Variants in GPC5 observed in about 807,000 individuals in gnomAD.
GPC5 encodes glypican-5.
A neutral mutation model predicts 53.9 loss-of-function variants in GPC5; 47 were observed. That is an observed-to-expected ratio of 0.87 (90% CI 0.69 to 1.11). The LOEUF (loss-of-function observed/expected upper bound fraction) is 1.11. Among genes scored for constraint, GPC5 ranks in the 50% most tolerant of loss-of-function variants. GPC5 has a pLI of 0.00. For missense variants in GPC5, 748 were observed against 713.1 expected, an observed-to-expected ratio of 1.05 and a Z score of -0.56; for synonymous variants, 286 against 263.3, an observed-to-expected ratio of 1.09 and a Z score of -0.84.
intron 7 of GPC5, among the ~76,000 whole-genome samples, chr13:92,850,550 T>C (rs992592958): frequency 6.6e-6 from 1 of 151,926 alleles, no homozygotes; most frequent in Non-Finnish European, 1.5e-5. Flanking sequence ...AGTAAGCCGA[T>C]GTTGTGCCAC....
At chr13:92,283,256 C>T (rs1046300748) in intron 7 of GPC5, among the ~76,000 whole-genome samples, 1 of 152,138 alleles carries the variant, frequency 6.6e-6, no homozygotes, top group Non-Finnish European at 1.5e-5. Context: ...TCCTTAGAGA[C>T]CTACAAAGAG....
intron 6 of GPC5, among the ~76,000 whole-genome samples, chr13:92,141,011 G>C (rs2041826663): frequency 6.6e-6 from 1 of 152,186 alleles, no homozygotes; most frequent in Admixed American, 6.5e-5. Context: ...ACACTTCCAT[G>C]TGGATGTTGG....
intron 7 of GPC5, among the ~76,000 whole-genome samples, chr13:92,214,379 G>A (rs1474707633): frequency 1.3e-5 from 2 of 152,074 alleles, no homozygotes; most frequent in Non-Finnish European, 2.9e-5. Flanking sequence ...AAACATTATT[G>A]AAGTGTCCAC....
chr13:92,461,481 T>C (rs985753354), intron 7 of GPC5, among the ~76,000 whole-genome samples: 21 of 152,082 alleles, frequency 1.4e-4, no homozygotes, highest in African/African-American at 4.8e-4. Context: ...AAAAGAGACA[T>C]AGAAATATCC....
intron 2 of GPC5, among the ~76,000 whole-genome samples, chr13:91,584,760 A>G (rs1319399363): frequency 6.6e-6 from 1 of 152,022 alleles, no homozygotes; most frequent in African/African-American, 2.4e-5. Context: ...TTATATTTTT[A>G]GTAGAGACAG....
At chr13:92,105,954 G>A (rs2041506143) in intron 6 of GPC5, among the ~76,000 whole-genome samples, 1 of 151,924 alleles carries the variant, frequency 6.6e-6, no homozygotes, top group African/African-American at 2.4e-5. Context: ...CATATAAATG[G>A]AAGAATACAG....
intron 7 of GPC5, among the ~76,000 whole-genome samples, chr13:92,574,113 A>G (rs1883118605): frequency 6.6e-6 from 1 of 152,104 alleles, no homozygotes; most frequent in Non-Finnish European, 1.5e-5. Flanking sequence ...TGTTACTCTC[A>G]TTGCTTAATA....
chr13:92,649,834 C>T (rs1234338938), intron 7 of GPC5, among the ~76,000 whole-genome samples: 1 of 152,150 alleles, frequency 6.6e-6, no homozygotes, highest in Admixed American at 6.6e-5. Flanking sequence ...TTTCCTTAAC[C>T]TTTGAAACTC....
At chr13:92,659,532 T>G (rs1566348214) in intron 7 of GPC5, among the ~76,000 whole-genome samples, 1 of 152,112 alleles carries the variant, frequency 6.6e-6, no homozygotes, top group Admixed American at 6.5e-5. Context: ...ATCCTGCTGC[T>G]TACTAGATGT....
At chr13:92,583,426 C>G (rs1002989468) in intron 7 of GPC5, among the ~76,000 whole-genome samples, 1 of 152,150 alleles carries the variant, frequency 6.6e-6, no homozygotes, top group African/African-American at 2.4e-5. Context: ...AAGCAGCTAT[C>G]ACAAACAAAT....
intron 7 of GPC5, among the ~76,000 whole-genome samples, chr13:92,826,397 C>G (rs1165486715): frequency 2.6e-5 from 4 of 152,092 alleles, no homozygotes; most frequent in Non-Finnish European, 5.9e-5. Context: ...ATAAGCTTGG[C>G]AAATAACCCT....
intron 6 of GPC5, among the ~76,000 whole-genome samples, chr13:91,938,759 T>A (rs1444972112): frequency 6.6e-6 from 1 of 152,136 alleles, no homozygotes; most frequent in Non-Finnish European, 1.5e-5. Flanking sequence ...TGTTTGCTAT[T>A]AAAAAATTGA....
At chr13:92,362,144 C>A (rs1367359778) in intron 7 of GPC5, among the ~76,000 whole-genome samples, 1 of 151,598 alleles carries the variant, frequency 6.6e-6, no homozygotes, top group Non-Finnish European at 1.5e-5. Context: ...CTCATTTACC[C>A]AGTGAAAGTT....
At chr13:91,699,244 A>G (rs1301409728) in intron 3 of GPC5, among the ~76,000 whole-genome samples, 1 of 152,218 alleles carries the variant, frequency 6.6e-6, no homozygotes, top group African/African-American at 2.4e-5. Flanking sequence ...TGAAAAGTTG[A>G]CAAGATATTG....
chr13:91,751,553 C>T (rs1339720421), intron 4 of GPC5, among the ~76,000 whole-genome samples: 1 of 152,208 alleles, frequency 6.6e-6, no homozygotes, highest in Non-Finnish European at 1.5e-5. Flanking sequence ...GAAACAGAAG[C>T]TGGCAAAACC....
chr13:91,944,473 A>G (rs2039957420), intron 6 of GPC5, among the ~76,000 whole-genome samples: 1 of 152,188 alleles, frequency 6.6e-6, no homozygotes. Flanking sequence ...TTTGAGATTT[A>G]AAATTAACCC....
intron 7 of GPC5, among the ~76,000 whole-genome samples, chr13:92,207,709 T>G (rs1348484501): frequency 6.6e-6 from 1 of 152,224 alleles, no homozygotes; most frequent in East Asian, 1.9e-4. Context: ...ATTCCAATTC[T>G]TTTTCAAACC....
intron 2 of GPC5, among the ~76,000 whole-genome samples, chr13:91,649,437 C>T (rs2034641977): frequency 6.6e-6 from 1 of 152,120 alleles, no homozygotes; most frequent in African/African-American, 2.4e-5. Context: ...TCTTATTCAG[C>T]ACAGTGTCCA....
At chr13:91,735,574 G>A (rs342713) in intron 4 of GPC5, among the ~76,000 whole-genome samples, 108,898 of 151,040 alleles carry the variant, frequency 0.72, 39,874 homozygotes, top group Middle Eastern at 0.82. Flanking sequence ...TCAAAATATA[G>A]TATCTTTTTG....
Sources: allele counts gnomAD v4.1 joint callset (sites outside exome capture counted in the v4.1 genomes callset), GRCh38; gene constraint gnomAD v4.1.1; transcripts MANE v1.5; gene names NCBI Gene and HGNC (gene_info 2026-07-23, HGNC 2026-07-21).